ITGB4: variants seen among roughly 807,000 people sequenced by gnomAD.
The protein encoded by ITGB4 is integrin beta-4.
ITGB4 carries 159 observed loss-of-function variants against 207.6 expected under a neutral mutation model. That is an observed-to-expected ratio of 0.77 (90% confidence interval 0.67 to 0.87). The LOEUF (loss-of-function observed/expected upper bound fraction) is 0.87, where lower values mean the gene tolerates loss of function less well. Ranked by LOEUF, ITGB4 falls within the 40% of genes least tolerant of loss-of-function variation. The pLI, the probability that ITGB4 is intolerant of heterozygous loss-of-function variation, is 0.00. For synonymous variants in ITGB4, 1,020 were observed against 1,062.7 expected (o/e 0.96, Z 0.78); for missense variants, 2,278 against 2,546.8 (o/e 0.89, Z 2.27).
Position 75,757,746 on chromosome 17 carries a change from TA to T in ITGB4, c.*193del, listed in dbSNP as rs1302785154. The T allele has an allele frequency of 1.3e-6, 1 of 762,406 alleles. No homozygotes were observed. Among genetic ancestry groups the T allele is most frequent in the East Asian group, 2.7e-5 (1 of 37,332 alleles). The allele number at this position is 762,406 out of a possible 1,614,324, so 47.2% of individuals were successfully genotyped here. A position where few individuals can be genotyped will look rare whatever the true frequency, so the allele number is the denominator to read the frequency against. ...TCCTCTGTGGGCCCAAACCTATTTG[TA>T]ACCAAAGAGCTGGGAGCAGCACAAG... On this transcript the variant is annotated 3_prime_UTR_variant, in exon 40 of 40. Transcript: ENST00000200181.
chr17:75,755,515 C>T (rs1024922796), intron 34 of ITGB4, among the ~76,000 whole-genome samples, 186 bp from the exon 35 acceptor site: 5 of 152,154 alleles, frequency 3.3e-5, no homozygotes, highest in Non-Finnish European at 5.9e-5. Flanking sequence ...AGGGCCTGCA[C>T]CCTGCTGGAG....
intron 27 of ITGB4, among the ~76,000 whole-genome samples, chr17:75,749,730 T>C (rs1258439389): frequency 6.6e-6 from 1 of 152,188 alleles, no homozygotes; most frequent in Non-Finnish European, 1.5e-5. Context: ...AGTTAGTTCC[T>C]ATCAGCCCTC....
intron 27 of ITGB4, among the ~76,000 whole-genome samples, chr17:75,749,862 G>C (rs1239953095): frequency 6.6e-6 from 1 of 152,160 alleles, no homozygotes; most frequent in Non-Finnish European, 1.5e-5. Flanking sequence ...GAGCTGCCAA[G>C]GGAGAAAGGG....
intron 27 of ITGB4, 21 bp downstream of exon 27, chr17:75,749,066 G>A (rs369378899): frequency 6.9e-6 from 11 of 1,594,552 alleles, no homozygotes; most frequent in East Asian, 2.2e-5. Context: ...CCTGGGGGTC[G>A]GCTTAAGCAG....
intron 34 of ITGB4, among the ~76,000 whole-genome samples, chr17:75,755,461 T>C (rs2061475490): frequency 6.6e-6 from 1 of 151,432 alleles, no homozygotes; most frequent in South Asian, 2.1e-4. Context: ...GTTGAGGGGG[T>C]GGGGCTGGCA....
Position 75,750,550 on chromosome 17 carries a change from C to T in ITGB4, c.3475-130C>T, listed in dbSNP as rs185937275. The T allele has an allele frequency of 8.0e-4, 715 of 888,346 alleles. 2 individuals carry two copies. Among genetic ancestry groups the T allele is most frequent in the Non-Finnish European group, 1.1e-3 (639 of 557,646 alleles). The allele number at this position is 888,346 out of a possible 1,614,324, so 55.0% of individuals were successfully genotyped here. ...CCCTAGTCCTGACGTGTGCACATGG[C>T]AGATCTCTCAGCCCCTCCCTCGGGC... On this transcript the variant is annotated intron_variant, in intron 28 of 39. Transcript: ENST00000200181. This position sits in a 1 kb window ranked among gnomAD's most constrained non-coding sequence, Gnocchi z 5.5.
chr17:75,757,572 C>G lies in ITGB4; in HGVS notation c.*17C>G. 1 of 1,613,218 alleles carries G rather than the reference C, an allele frequency of 6.2e-7. No individual in the cohort carries two copies. The highest frequency in any genetic ancestry group is 8.5e-7 in the Non-Finnish European group (1 of 1,179,876). On this transcript the variant is annotated 3_prime_UTR_variant, in exon 40 of 40. Transcript: ENST00000200181. The stretch of plus-strand genomic sequence containing the variant: ...CAAACTTGACCGCACCCTGCCCCAC[C>G]CCCGCCACGTCCCACTAGGCGTCCT...
intron 33 of ITGB4, 93 bp from the exon 34 acceptor site, chr17:75,754,483 G>A (rs2061440083): frequency 6.6e-7 from 1 of 1,523,712 alleles, no homozygotes; most frequent in Non-Finnish European, 9.0e-7. Context: ...CCACCCAGAG[G>A]GTGGGTGACC....
chr17:75,754,535 T>G, intron 33 of ITGB4, 41 bp from the exon 34 acceptor site: 1 of 1,612,356 alleles, frequency 6.2e-7, no homozygotes, highest in Non-Finnish European at 8.5e-7. Context: ...GGCCCGGGTC[T>G]GGGGCAGGCC....
chr17:75,752,101 C>G lies in ITGB4; in HGVS notation c.3794-73C>G, dbSNP rs560296187. On this transcript the variant is annotated intron_variant, in intron 30 of 39. Transcript: ENST00000200181. ...GCCATCCAGGGGATGCACGGCCGTC[C>G]TGCTGTGTCAGGGGTGGTGTTGGGA... 1.4e-5 allele frequency: 21 copies of G among 1,513,568 alleles called. No homozygotes were observed. In the East Asian group the frequency reaches 4.7e-4, roughly 34 times the overall value. The allele number at this position is 1,513,568 out of a possible 1,614,324, so 93.8% of individuals were successfully genotyped here.
At chr17:75,757,360 G>A in intron 39 of ITGB4, 50 bp downstream of exon 39, 2 of 1,612,862 alleles carry the variant, frequency 1.2e-6, no homozygotes, top group Non-Finnish European at 1.7e-6. Flanking sequence ...CAGGGAGCTA[G>A]CAGAGGGAGA....
At chr17:75,728,131 T>C (rs912517449) in intron 5 of ITGB4, among the ~76,000 whole-genome samples, 1 of 152,236 alleles carries the variant, frequency 6.6e-6, no homozygotes, top group South Asian at 2.1e-4. Context: ...GGGAAGCTTC[T>C]GCTCCTCAGA....
rs199768958 is a variant in ITGB4 at position 75,742,614 on chromosome 17, G to A, written c.2815G>A (p.Val939Met). 27 of 1,614,010 alleles carry A rather than the reference G, an allele frequency of 1.7e-5. No individual in the cohort carries two copies. The highest frequency in any genetic ancestry group is 2.2e-5 in the South Asian group (2 of 91,084). The change falls in exon 25 of 40, where the codon GTG becomes ATG. Residue 939 changes from valine to methionine, a missense_variant. Physicochemically the swap from Val to Met is conservative, Grantham distance 21. Transcript: ENST00000200181. The surrounding 1 kb of genome is among the most constrained non-coding windows in gnomAD (Gnocchi z 5.9). Reference sequence around the variant, plus strand: ...GGGCATGGTGGAGTTCCAGGAGGGCGTGGAGCTGGTGGACGTACGGGTGCC... The same window carrying A: ...GGGCATGGTGGAGTTCCAGGAGGGCATGGAGCTGGTGGACGTACGGGTGCC... The part of the protein sequence containing the change: ...ARGMVEFQEG[V>M]ELVDVRVPLF...
rs2060825267 is a variant in ITGB4 at position 75,730,398 on chromosome 17, A to G, written c.896A>G (p.Tyr299Cys). Reference sequence around the variant, plus strand: ...GACACCACGGGCACCTACACCCAGTACAGGACACAGGACTACCCGTCGGTG... The same window carrying G: ...GACACCACGGGCACCTACACCCAGTGCAGGACACAGGACTACCCGTCGGTG... ...HLDTTGTYTQ[Y>C]RTQDYPSVPT... The change falls in exon 8 of 40, where the codon TAC becomes TGC. Residue 299 changes from tyrosine to cysteine, a missense_variant. Coordinates refer to ENST00000200181, the MANE Select transcript of ITGB4 (RefSeq NM_000213.5). 1 of 1,613,902 alleles carries G rather than the reference A, an allele frequency of 6.2e-7. No homozygotes were observed. Among genetic ancestry groups the G allele is most frequent in the Non-Finnish European group, 8.5e-7 (1 of 1,180,030 alleles).
At chr17:75,738,213 AC>A (rs1438083287) in intron 18 of ITGB4, among the ~76,000 whole-genome samples, 2 of 150,846 alleles carry the variant, frequency 1.3e-5, no homozygotes, top group Non-Finnish European at 3.0e-5. Flanking sequence ...CCTTGGCAAG[AC>A]CCACACCAAC....
At chr17:75,755,023 G>C in intron 34 of ITGB4, 4 of 1,585,186 alleles carry the variant, frequency 2.5e-6, no homozygotes, top group Non-Finnish European at 3.4e-6. Context: ...CACACTCCCT[G>C]CTCCTCTCAC....
In ITGB4 at chr17:75,733,670, C is replaced by T. The variant is rs372260270; in HGVS notation, c.1635C>T (p.Arg545=). 5 of 1,614,020 alleles carry T rather than the reference C, an allele frequency of 3.1e-6. No individual in the cohort carries two copies. In the African/African-American group the frequency reaches 5.3e-5, roughly 17 times the overall value. Residue 545 remains arginine, a synonymous_variant, in exon 13 of 40, where the codon CGC becomes CGT. Coordinates refer to ENST00000200181, the MANE Select transcript of ITGB4 (RefSeq NM_000213.5). ...FCEYDNFQCP[R]TSGFLCNDRG... ...AGTATGACAACTTCCAGTGTCCCCG[C>T]ACTTCCGGGTTCCTCTGCAATGGTG...
rs751017268 is a variant in ITGB4 at position 75,754,570 on chromosome 17, C to T, written c.4319-6C>T. The T allele has an allele frequency of 6.2e-6, 10 of 1,613,422 alleles. No individual in the cohort carries two copies. In the Admixed American group the frequency reaches 1.7e-4, roughly 27 times the overall value. ...CTGACCAAGGGACCCTGCTCTCCCC[C>T]TGCAGAGCACCTGGTGAATGGCCGG... On this transcript the variant is annotated splice_region_variant and splice_polypyrimidine_tract_variant and intron_variant, in intron 33 of 39. Coordinates refer to ENST00000200181, the MANE Select transcript of ITGB4 (RefSeq NM_000213.5).
rs2148442967 is a variant in ITGB4, at chr17:75,722,345, G to A, written c.-11+733G>A. Among the ~76,000 whole-genome samples the A allele has an allele frequency of 6.6e-6, 1 of 152,178 alleles. No homozygotes were observed. The highest frequency in any genetic ancestry group is 1.9e-4 in the East Asian group (1 of 5,192). ...GGACTGGGGCTCTGGGGCTCCTGGT[G>A]ACTCCCAGGAGCAGGGACAGGGCTT... On this transcript the variant is annotated intron_variant, in intron 1 of 39. Transcript: ENST00000200181. This position sits in a 1 kb window ranked among gnomAD's most constrained non-coding sequence, Gnocchi z 6.2.
Sources: allele counts gnomAD v4.1 joint callset (sites outside exome capture counted in the v4.1 genomes callset), GRCh38; gene constraint gnomAD v4.1.1; non-coding constraint Gnocchi (gnomAD v3.1); transcripts MANE v1.5; gene names NCBI Gene and HGNC (gene_info 2026-07-23, HGNC 2026-07-21).